The following TBC1D16 variants were observed in gnomAD, a reference collection of about 807,000 sequenced individuals.
The protein encoded by TBC1D16 is CTD-2529O21.1.
Under a neutral mutation model 74.7 loss-of-function variants are expected in TBC1D16, and 58 were observed. The ratio of observed to expected loss-of-function variants is 0.78; its 90% confidence interval spans 0.63 to 0.97. The LOEUF (loss-of-function observed/expected upper bound fraction) is 0.97, where lower values mean the gene tolerates loss of function less well. TBC1D16 is among the 50% of genes least tolerant of loss of function. TBC1D16 has a pLI of 0.00. For synonymous variants in TBC1D16, 493 were observed against 474.7 expected (o/e 1.04, Z -0.50); for missense variants, 1,014 against 1,079.5 (o/e 0.94, Z 0.85).
intron 1 of TBC1D16, among the ~76,000 whole-genome samples, chr17:80,019,068 A>G (rs2036196136): frequency 6.7e-6 from 1 of 149,988 alleles, no homozygotes; most frequent in African/African-American, 2.5e-5. Context: ...AAATGGCTCT[A>G]CTCAGTGTGA....
At position 79,988,025 on chromosome 17, in the gene TBC1D16, AG is replaced by A. The variant is rs2034910466; in HGVS notation, c.779+22134del. Among the ~76,000 whole-genome samples the A allele has an allele frequency of 6.6e-6, 1 of 152,170 alleles. No homozygotes were observed. Among genetic ancestry groups the A allele is most frequent in the Non-Finnish European group, 1.5e-5 (1 of 68,024 alleles). On this transcript the variant is annotated intron_variant, in intron 3 of 11. Transcript: ENST00000310924. The surrounding 1 kb of genome is among the most constrained non-coding windows in gnomAD (Gnocchi z 5.7). ...CTGAATGTGGTTTAAAAAAAAAATT[AG>A]GTGGGGGAGAATGAGACGATATTCA...
At chr17:79,953,923 A>C (rs973629014) in intron 3 of TBC1D16, among the ~76,000 whole-genome samples, 1 of 151,938 alleles carries the variant, frequency 6.6e-6, no homozygotes, top group African/African-American at 2.4e-5. Flanking sequence ...GACGTCCACC[A>C]CCATGACCAG....
chr17:79,960,851 G>A (rs1339484488), intron 3 of TBC1D16, among the ~76,000 whole-genome samples: 5 of 123,506 alleles, frequency 4.0e-5, no homozygotes, highest in South Asian at 2.6e-4. Flanking sequence ...GCCAGGAGGC[G>A]AGCAACAGAA....
Position 79,968,986 on chromosome 17 carries a change from G to T in TBC1D16, c.780-16168C>A, listed in dbSNP as rs531948147. On this transcript the variant is annotated intron_variant, in intron 3 of 11. Transcript: ENST00000310924. ...AAGATGTAAGAATAAAAAGACAAATGACTCAATTTAAAAATGGGCAAATAA... is the reference window on the plus strand; with the variant it reads ...AAGATGTAAGAATAAAAAGACAAATTACTCAATTTAAAAATGGGCAAATAA... Among the ~76,000 whole-genome samples the T allele has an allele frequency of 8.6e-5, 13 of 151,706 alleles. No individual in the cohort carries two copies. The South Asian group carries it at 2.5e-3, about 29-fold the overall frequency.
chr17:79,957,603 C>T (rs2033394301), intron 3 of TBC1D16, among the ~76,000 whole-genome samples: 1 of 152,156 alleles, frequency 6.6e-6, no homozygotes. Flanking sequence ...ACCGGCATGA[C>T]ACCAGAGTGG....
chr17:80,011,685 G>T (rs965357203), intron 2 of TBC1D16, among the ~76,000 whole-genome samples: 3 of 152,138 alleles, frequency 2.0e-5, no homozygotes, highest in African/African-American at 7.2e-5. Context: ...AATTAGCCGG[G>T]CGTGATGGTG....
chr17:80,033,259 G>C (rs938146157), intron 1 of TBC1D16, among the ~76,000 whole-genome samples: 5 of 152,208 alleles, frequency 3.3e-5, no homozygotes, highest in Non-Finnish European at 7.3e-5. Flanking sequence ...CATAATCCTT[G>C]CACAAAGTCT....
At chr17:79,973,376 C>T (rs1165791273) in intron 3 of TBC1D16, among the ~76,000 whole-genome samples, 2 of 152,060 alleles carry the variant, frequency 1.3e-5, no homozygotes, top group Non-Finnish European at 2.9e-5. Context: ...AGTTCAAAAC[C>T]AGCCTGGGTA....
At chr17:79,978,310 C>A (rs567218707) in intron 3 of TBC1D16, among the ~76,000 whole-genome samples, 5 of 152,250 alleles carry the variant, frequency 3.3e-5, no homozygotes, top group Admixed American at 1.3e-4. Context: ...TTAACTCTGC[C>A]GATCTGCAAC....
At chr17:80,013,657 C>T in intron 1 of TBC1D16, 48 bp from the exon 2 acceptor site, 1 of 1,217,854 alleles carries the variant, frequency 8.2e-7, no homozygotes, top group Non-Finnish European at 1.1e-6. Flanking sequence ...GACTTGCGTT[C>T]TGTCTCACAG....
chr17:79,952,939 C>T, intron 3 of TBC1D16, 121 bp from the exon 4 acceptor site: 2 of 1,166,962 alleles, frequency 1.7e-6, no homozygotes, highest in Non-Finnish European at 2.4e-6. Flanking sequence ...CACATACAGG[C>T]ACGGCTGAAT....
At chr17:80,016,212 GT>G (rs2036084549) in intron 1 of TBC1D16, among the ~76,000 whole-genome samples, 1 of 151,892 alleles carries the variant, frequency 6.6e-6, no homozygotes, top group African/African-American at 2.4e-5. Flanking sequence ...CCCTAGAGCA[GT>G]TAGGTTCACA....
intron 1 of TBC1D16, among the ~76,000 whole-genome samples, chr17:80,028,710 G>A (rs550985929): frequency 2.0e-5 from 3 of 149,096 alleles, no homozygotes; most frequent in South Asian, 4.4e-4. Flanking sequence ...TGCAATCTCC[G>A]CCTCCTGGGT....
At chr17:80,021,561 G>C (rs763700349) in intron 1 of TBC1D16, among the ~76,000 whole-genome samples, 3 of 149,656 alleles carry the variant, frequency 2.0e-5, no homozygotes, top group Non-Finnish European at 4.4e-5. Context: ...AGATTAAGCT[G>C]AGATGGAATT....
chr17:80,008,021 T>TAA lies in TBC1D16; in HGVS notation c.779+2137_779+2138dup, dbSNP rs546582882. On this transcript the variant is annotated intron_variant, in intron 3 of 11. Transcript: ENST00000310924. The surrounding 1 kb of genome is among the most constrained non-coding windows in gnomAD (Gnocchi z 4.5). Reference sequence around the variant, plus strand: ...AATACATCCCCACCCTCAGTTGTGATAAAAAAAAAAAAAAAGTGTCTCCTG... The same window carrying TAA: ...AATACATCCCCACCCTCAGTTGTGATAAAAAAAAAAAAAAAAAGTGTCTCCTG... Among the ~76,000 whole-genome samples the TAA allele has an allele frequency of 7.3e-4, 93 of 128,026 alleles. No homozygotes were observed. Among genetic ancestry groups the TAA allele is most frequent in the Middle Eastern group, 4.2e-3 (1 of 240 alleles). 84.0% of individuals were successfully genotyped at this position (128,026 alleles called of 152,430 possible). A position where few individuals can be genotyped will look rare whatever the true frequency, so the allele number is the denominator to read the frequency against.
At position 79,945,236 on chromosome 17, in the gene TBC1D16, C is replaced by A. The variant is rs1038516308; in HGVS notation, c.1729-149G>T. 9 of 812,666 alleles carry A rather than the reference C, an allele frequency of 1.1e-5. No individual in the cohort carries two copies. The East Asian group carries it at 1.4e-4, about 12-fold the overall frequency. The allele number at this position is 812,666 out of a possible 1,614,324, so 50.3% of individuals were successfully genotyped here. ...TCTACCTGCTGCATGTGCCTGCCCC[C>A]CCAACGCTCCATTCCGCCGCTGGAA... On this transcript the variant is annotated intron_variant, in intron 9 of 11. Coordinates refer to ENST00000310924, the MANE Select transcript of TBC1D16 (RefSeq NM_019020.4).
At chr17:79,943,679 A>G (rs1373683907) in intron 10 of TBC1D16, among the ~76,000 whole-genome samples, 1 of 151,552 alleles carries the variant, frequency 6.6e-6, no homozygotes, top group African/African-American at 2.4e-5. Flanking sequence ...CTTCCAACAC[A>G]ATGGCAGCCA....
At chr17:80,005,274 G>A (rs746743829) in intron 3 of TBC1D16, among the ~76,000 whole-genome samples, 4 of 152,062 alleles carry the variant, frequency 2.6e-5, no homozygotes, top group East Asian at 1.9e-4. Context: ...TGGTAGAGAC[G>A]GGGTCTCGCT....
rs368253892 is a variant in TBC1D16 at position 79,982,714 on chromosome 17, C to G, written c.779+27446G>C. ...CTAAAAAAAAAAATACAAAAATTAG[C>G]CGGGTGTAACGGCCGGTGCCTGTAA... is the stretch of plus-strand genomic sequence containing the variant. On this transcript the variant is annotated intron_variant, in intron 3 of 11. Coordinates refer to ENST00000310924, the MANE Select transcript of TBC1D16 (RefSeq NM_019020.4). Among the ~76,000 whole-genome samples, 9 of 151,596 alleles carry G rather than the reference C, an allele frequency of 5.9e-5. No individual in the cohort carries two copies. The East Asian group carries it at 1.2e-3, about 20-fold the overall frequency.
Sources: gnomAD v4.1 joint callset for allele counts (sites outside exome capture counted in the v4.1 genomes callset) on GRCh38, gnomAD v4.1.1 for gene constraint, Gnocchi (gnomAD v3.1) non-coding constraint, MANE v1.5 for transcripts, NCBI Gene and HGNC (gene_info 2026-07-23, HGNC 2026-07-21) for gene names.